PTPRN2: variants seen among roughly 807,000 people sequenced by gnomAD.
The protein encoded by PTPRN2 is protein tyrosine phosphatase receptor type N2.
PTPRN2 carries 74 observed loss-of-function variants against 118.8 expected under a neutral mutation model. That is an observed-to-expected ratio of 0.62 (90% confidence interval 0.52 to 0.76). The LOEUF (loss-of-function observed/expected upper bound fraction) is 0.76. Ranked by LOEUF, PTPRN2 falls within the 30% of genes least tolerant of loss-of-function variation. The pLI is 0.00. For synonymous variants in PTPRN2, 641 were observed against 608.0 expected (o/e 1.05, Z -0.80); for missense variants, 1,481 against 1,394.4 (o/e 1.06, Z -0.99).
intron 4 of PTPRN2, 37 bp downstream of exon 4, chr7:158,205,134 C>G: frequency 1.3e-6 from 2 of 1,503,068 alleles, no homozygotes; most frequent in Non-Finnish European, 1.9e-6. Context: ...GGACTGTGTC[C>G]TGGGAGCAAG....
intron 12 of PTPRN2, among the ~76,000 whole-genome samples, chr7:157,839,799 A>ATGTGACTGTGTGACCAGG (rs796602912): frequency 0.029 from 4,259 of 148,448 alleles, 154 homozygotes; most frequent in South Asian, 0.12. Context: ...GTGTGGCCAT[A>ATGTGACTGTGTGACCAGG]TGTGACTGTG....
intron 11 of PTPRN2, among the ~76,000 whole-genome samples, chr7:158,080,314 CAA>C (rs556546951): frequency 8.0e-4 from 58 of 72,184 alleles, no homozygotes; most frequent in African/African-American, 3.0e-3. Flanking sequence ...CAAATTTAAG[CAA>C]AAAAAAAAAA....
At chr7:157,829,819 C>T (rs913622823) in intron 12 of PTPRN2, among the ~76,000 whole-genome samples, 12 of 152,322 alleles carry the variant, frequency 7.9e-5, no homozygotes, top group Non-Finnish European at 1.6e-4. Flanking sequence ...GTTGACTTGG[C>T]GGCAACACGT....
chr7:158,246,374 G>T (rs1796248771), intron 3 of PTPRN2, among the ~76,000 whole-genome samples: 1 of 151,582 alleles, frequency 6.6e-6, no homozygotes. Context: ...GAGGCTTAAA[G>T]ATTTGGAGTC....
intron 12 of PTPRN2, among the ~76,000 whole-genome samples, chr7:157,814,900 T>C (rs1210670992): frequency 3.9e-5 from 6 of 152,342 alleles, no homozygotes; most frequent in Non-Finnish European, 5.9e-5. Context: ...GAGTCCCAGA[T>C]GGAGGGAAGC....
chr7:158,040,831 C>T (rs887805982), intron 11 of PTPRN2, among the ~76,000 whole-genome samples: 4 of 150,700 alleles, frequency 2.7e-5, no homozygotes, highest in Non-Finnish European at 1.5e-5. Flanking sequence ...CTCCCAGGTT[C>T]AAGTGATTCT....
intron 11 of PTPRN2, among the ~76,000 whole-genome samples, chr7:157,993,526 C>G (rs561255205): frequency 1.3e-5 from 2 of 152,118 alleles, no homozygotes; most frequent in African/African-American, 4.8e-5. Flanking sequence ...TCCAGAAACT[C>G]CCATGAGGGC....
intron 2 of PTPRN2, among the ~76,000 whole-genome samples, chr7:158,393,012 G>C (rs1586557485): frequency 6.6e-6 from 1 of 152,174 alleles, no homozygotes; most frequent in African/African-American, 2.4e-5. Context: ...AGAGAGAAAG[G>C]GCTGCACAGG....
intron 2 of PTPRN2, among the ~76,000 whole-genome samples, chr7:158,445,507 G>A (rs988403914): frequency 2.6e-5 from 4 of 152,172 alleles, no homozygotes; most frequent in Admixed American, 6.5e-5. Context: ...CAGTGACCCC[G>A]CGGCCTCTCG....
chr7:158,239,459 G>A (rs1228856653), intron 3 of PTPRN2, among the ~76,000 whole-genome samples: 2 of 152,142 alleles, frequency 1.3e-5, no homozygotes, highest in African/African-American at 4.8e-5. Context: ...CTGCCGTGTG[G>A]GGCAAACTAT....
At position 157,619,505 on chromosome 7, in the gene PTPRN2, G is replaced by T. The variant is rs960282923; in HGVS notation, c.2344+1857C>A. 6.6e-6 allele frequency among the ~76,000 whole-genome samples: 1 copy of T among 152,158 alleles called. No homozygotes were observed. The highest frequency in any genetic ancestry group is 1.5e-5 in the Non-Finnish European group (1 of 68,034). On this transcript the variant is annotated intron_variant, in intron 15 of 22. Coordinates refer to ENST00000389418, the MANE Select transcript of PTPRN2 (RefSeq NM_002847.5). The surrounding 1 kb of genome is among the most constrained non-coding windows in gnomAD (Gnocchi z 5.3). ...GTTAGTAGCCCCCGACACAGGGCCG[G>T]TGCTTAGTAAATATCTGTTAGTTGG...
At chr7:157,811,067 C>T (rs189340487) in intron 12 of PTPRN2, among the ~76,000 whole-genome samples, 68 of 151,928 alleles carry the variant, frequency 4.5e-4, no homozygotes, top group African/African-American at 1.2e-3. Flanking sequence ...GTCAGGAGAT[C>T]GAGACCATCC....
chr7:157,987,929 G>T lies in PTPRN2; in HGVS notation c.1724-89192C>A, dbSNP rs919679398. Among the ~76,000 whole-genome samples the T allele has an allele frequency of 6.0e-5, 9 of 149,264 alleles. No homozygotes were observed. The highest frequency in any genetic ancestry group is 1.2e-4 in the Non-Finnish European group (8 of 67,206). ...TAATGCAGCAGGGATCCAGAGAAGG[G>T]TCTCCGGACATCACTGATGCCCCCA... On this transcript the variant is annotated intron_variant, in intron 11 of 22. Transcript: ENST00000389418. This position sits in a 1 kb window ranked among gnomAD's most constrained non-coding sequence, Gnocchi z 4.3.
chr7:157,800,968 TAC>T (rs1209881691), intron 12 of PTPRN2, among the ~76,000 whole-genome samples: 6 of 149,686 alleles, frequency 4.0e-5, no homozygotes, highest in African/African-American at 1.5e-4. Flanking sequence ...AATATATATA[TAC>T]ATATATATAT....
intron 13 of PTPRN2, among the ~76,000 whole-genome samples, chr7:157,678,041 A>T (rs1376771305): frequency 1.3e-5 from 2 of 152,252 alleles, no homozygotes; most frequent in Non-Finnish European, 2.9e-5. Flanking sequence ...AAAATTAGAA[A>T]AATTTCCATT....
chr7:158,235,447 C>T (rs759594087), intron 3 of PTPRN2, among the ~76,000 whole-genome samples: 31 of 152,156 alleles, frequency 2.0e-4, no homozygotes, highest in Non-Finnish European at 4.1e-4. Context: ...TAGGCACCAA[C>T]ATGGGAAACT....
chr7:157,908,576 A>G (rs575412355), intron 11 of PTPRN2, among the ~76,000 whole-genome samples: 53 of 152,244 alleles, frequency 3.5e-4, no homozygotes, highest in African/African-American at 1.1e-3. Flanking sequence ...GCCCCGCAGC[A>G]CCCCACAATC....
chr7:157,877,012 GAGTGT>G (rs1795808142), intron 12 of PTPRN2, among the ~76,000 whole-genome samples: 2 of 152,238 alleles, frequency 1.3e-5, no homozygotes, highest in South Asian at 4.1e-4. Context: ...CCCCAGGCCT[GAGTGT>G]GGCACCAGGG....
chr7:157,782,557 T>G (rs1305541394), intron 12 of PTPRN2, among the ~76,000 whole-genome samples: 5 of 152,154 alleles, frequency 3.3e-5, no homozygotes, highest in Non-Finnish European at 7.3e-5. Context: ...TCTATAATCT[T>G]AACAGAAACA....
Sources: gnomAD v4.1 joint callset for allele counts (sites outside exome capture counted in the v4.1 genomes callset) on GRCh38, gnomAD v4.1.1 for gene constraint, Gnocchi (gnomAD v3.1) non-coding constraint, MANE v1.5 for transcripts, NCBI Gene and HGNC (gene_info 2026-07-23, HGNC 2026-07-21) for gene names.